NLRP1: variants seen among roughly 807,000 people sequenced by gnomAD.
The protein encoded by NLRP1 is NACHT, LRR and PYD domains-containing protein 1.
In NLRP1, 94 loss-of-function variants were observed where a neutral mutation model predicts 136.7. That is an observed-to-expected ratio of 0.69 (90% CI 0.58 to 0.82). The LOEUF (loss-of-function observed/expected upper bound fraction) is 0.82. Among genes scored for constraint, NLRP1 ranks in the 40% least tolerant of loss-of-function variants. NLRP1 has a pLI of 0.00. For synonymous variants in NLRP1, 690 were observed against 725.1 expected (o/e 0.95, Z 0.78); for missense variants, 1,575 against 1,802.7 (o/e 0.87, Z 2.29).
intron 3 of NLRP1, among the ~76,000 whole-genome samples, chr17:5,567,328 T>A (rs1449281580): frequency 6.6e-6 from 1 of 152,114 alleles, no homozygotes. Flanking sequence ...GTGTATCCAT[T>A]TTATGTTTTT....
intron 3 of NLRP1, among the ~76,000 whole-genome samples, chr17:5,564,392 T>C (rs1006813055): frequency 5.3e-5 from 8 of 152,220 alleles, no homozygotes; most frequent in Admixed American, 2.0e-4. Context: ...TTCTGCTCTC[T>C]ATGTCCATGA....
intron 5 of NLRP1, among the ~76,000 whole-genome samples, chr17:5,544,805 T>C (rs1912356956): frequency 6.6e-6 from 1 of 152,106 alleles, no homozygotes; most frequent in Admixed American, 6.5e-5. Flanking sequence ...AGTTTGTTTT[T>C]AGTTAGGGAG....
intron 5 of NLRP1, among the ~76,000 whole-genome samples, chr17:5,548,675 A>G (rs1912968652): frequency 6.6e-6 from 1 of 152,164 alleles, no homozygotes; most frequent in South Asian, 2.1e-4. Context: ...TTCATGCCAC[A>G]TAAGGTACTT....
At chr17:5,580,569 GT>G (rs1200141639) in intron 3 of NLRP1, among the ~76,000 whole-genome samples, 1 of 152,056 alleles carries the variant, frequency 6.6e-6, no homozygotes, top group Non-Finnish European at 1.5e-5. Context: ...TTTTGCCAGT[GT>G]TGCTAGAATG....
At chr17:5,553,934 A>T (rs1239219143) in intron 4 of NLRP1, among the ~76,000 whole-genome samples, 1 of 151,884 alleles carries the variant, frequency 6.6e-6, no homozygotes, top group Non-Finnish European at 1.5e-5. Flanking sequence ...TAAGAAAAAA[A>T]TTTTTTAAAA....
rs910759719 is a variant in NLRP1 at position 5,558,792 on chromosome 17, T to A, written c.1904A>T (p.Tyr635Phe). Residue 635 changes from tyrosine to phenylalanine, a missense_variant, in exon 4 of 17, where the codon TAT (tyrosine) becomes TTT (phenylalanine). Coordinates refer to ENST00000572272, the MANE Select transcript of NLRP1 (RefSeq NM_033004.4). ...CFQEFFAAMS[Y>F]VLEDEKGRGK... ...TCTCCCCTTCTCATCCTCCAAGACA[T>A]AGGACATTGCTGCAAAGAACTCTTG... The A allele has an allele frequency of 6.2e-7, 1 of 1,613,974 alleles. No homozygotes were observed. The highest frequency in any genetic ancestry group is 1.3e-5 in the African/African-American group (1 of 74,898).
rs755028729 is a variant in NLRP1, at chr17:5,519,848, CTTTTTTT to C, written c.3915+1026_3915+1032del. Reference sequence around the variant, plus strand: ...GCATCTTTATGAAAGTAAATCAGGTCTTTTTTTTTTTTTTTTTTTTTTTTTTGAGACA... The same window carrying C: ...GCATCTTTATGAAAGTAAATCAGGTCTTTTTTTTTTTTTTTTTTTGAGACA... On this transcript the variant is annotated intron_variant, in intron 14 of 16. Coordinates refer to ENST00000572272, the MANE Select transcript of NLRP1 (RefSeq NM_033004.4). Among the ~76,000 whole-genome samples, 131 of 90,258 alleles carry C rather than the reference CTTTTTTT, an allele frequency of 1.5e-3. 2 individuals carry two copies. Among genetic ancestry groups the C allele is most frequent in the African/African-American group, 1.8e-3 (41 of 22,896 alleles). The allele number at this position is 90,258 out of a possible 152,430, so 59.2% of individuals were successfully genotyped here.
chr17:5,525,381 CCTT>C (rs1225929017), intron 12 of NLRP1, among the ~76,000 whole-genome samples: 13 of 152,346 alleles, frequency 8.5e-5, no homozygotes, highest in South Asian at 4.1e-4. Context: ...CCTGTCAGCT[CCTT>C]CCTCCTTTCC....
intron 3 of NLRP1, among the ~76,000 whole-genome samples, chr17:5,569,098 C>A (rs1036168034): frequency 6.6e-6 from 1 of 152,080 alleles, no homozygotes; most frequent in African/African-American, 2.4e-5. Flanking sequence ...TACCACCAGA[C>A]CTGCCTTACA....
At position 5,537,294 on chromosome 17, in the gene NLRP1, C is replaced by T. The variant is rs1219240790; in HGVS notation, c.2871-354G>A. Among the ~76,000 whole-genome samples, 2 of 152,174 alleles carry T rather than the reference C, an allele frequency of 1.3e-5. No individual in the cohort carries two copies. The highest frequency in any genetic ancestry group is 2.9e-5 in the Non-Finnish European group (2 of 68,016). On this transcript the variant is annotated intron_variant, in intron 7 of 16. Coordinates refer to ENST00000572272, the MANE Select transcript of NLRP1 (RefSeq NM_033004.4). This position sits in a 1 kb window ranked among gnomAD's most constrained non-coding sequence, Gnocchi z 4.5. ...TGGCCAGTCATCGGATGTGGGCCTC[C>T]CCAGGAAGGAGATGTGGCCTTGGGT...
At chr17:5,553,255 G>T in intron 5 of NLRP1, 131 bp downstream of exon 5, 2 of 779,712 alleles carry the variant, frequency 2.6e-6, no homozygotes, top group Non-Finnish European at 3.7e-6. Context: ...GTTTACTAAA[G>T]TCATCCCGGC....
chr17:5,520,908 A>ACCAGAC lies in NLRP1; in HGVS notation c.3882_3887dup (p.Ser1297_Gly1298dup), dbSNP rs1217790491. The ACCAGAC allele has an allele frequency of 2.5e-6, 4 of 1,609,480 alleles. No individual in the cohort carries two copies. The South Asian group carries it at 4.4e-5, about 18-fold the overall frequency. ...TGGGGAGTATTTCCAGCATCCCTGA[A>ACCAGAC]CCAGACCCAGACACAGTGTAACGAC... is the stretch of plus-strand genomic sequence containing the variant. On this transcript the variant is annotated inframe_insertion, in exon 14 of 17. Transcript: ENST00000572272.
intron 3 of NLRP1, among the ~76,000 whole-genome samples, chr17:5,575,906 A>G (rs143788994): frequency 2.8e-4 from 43 of 152,384 alleles, no homozygotes; most frequent in African/African-American, 1.0e-3. Flanking sequence ...AAAAGGACAG[A>G]AATTATAACA....
rs201975087 is a variant in NLRP1, at chr17:5,582,100, C to T, written c.449-38G>A. The T allele has an allele frequency of 2.7e-6, 4 of 1,492,516 alleles. 1 individual carries two copies. The South Asian group carries it at 3.5e-5, about 13-fold the overall frequency. 92.5% of individuals were successfully genotyped at this position (1,492,516 alleles called of 1,614,324 possible). A position where few individuals can be genotyped will look rare whatever the true frequency, so the allele number is the denominator to read the frequency against. Reference sequence around the variant, plus strand: ...AAAAGAAAAATAACCATTTACTGAACATTTATTTTCTTTTAGGTGCATATA... The same window carrying T: ...AAAAGAAAAATAACCATTTACTGAATATTTATTTTCTTTTAGGTGCATATA... On this transcript the variant is annotated intron_variant, in intron 2 of 16. Coordinates refer to ENST00000572272, the MANE Select transcript of NLRP1 (RefSeq NM_033004.4).
At chr17:5,573,537 C>T (rs1904662736) in intron 3 of NLRP1, among the ~76,000 whole-genome samples, 1 of 152,180 alleles carries the variant, frequency 6.6e-6, no homozygotes, top group Admixed American at 6.5e-5. Context: ...GTCCCTGACC[C>T]CCGAGTAGCC....
intron 3 of NLRP1, among the ~76,000 whole-genome samples, chr17:5,566,087 T>C (rs916179917): frequency 1.3e-5 from 2 of 152,184 alleles, no homozygotes; most frequent in African/African-American, 4.8e-5. Context: ...TTAGCTTGGC[T>C]AAAGGTTTGT....
At chr17:5,503,843 A>T (rs565380664) in intron 15 of NLRP1, 1 of 149,638 alleles carries the variant, frequency 6.7e-6, no homozygotes, top group Non-Finnish European at 1.5e-5. Flanking sequence ...CCAAAAAAAA[A>T]CCCTGAATGG....
chr17:5,558,832 T>A lies in NLRP1; in HGVS notation c.1864A>T (p.Ile622Phe). 1.2e-6 allele frequency: 2 copies of A among 1,614,210 alleles called. No individual in the cohort carries two copies. Among genetic ancestry groups the A allele is most frequent in the Non-Finnish European group, 1.7e-6 (2 of 1,180,020 alleles). Reference sequence around the variant, plus strand: ...AAGAACTCTTGGAAACAGAGGTGAATGAAGCTGTAGCTCAGAGGGATGGGG... The same window carrying A: ...AAGAACTCTTGGAAACAGAGGTGAAAGAAGCTGTAGCTCAGAGGGATGGGG... ...EHPIPLSYSF[I>F]HLCFQEFFAA... Residue 622 changes from isoleucine to phenylalanine, a missense_variant, in exon 4 of 17, where the codon ATT (isoleucine) becomes TTT (phenylalanine). Transcript: ENST00000572272.
At chr17:5,576,277 G>T (rs1034262749) in intron 3 of NLRP1, among the ~76,000 whole-genome samples, 8 of 152,196 alleles carry the variant, frequency 5.3e-5, no homozygotes, top group African/African-American at 1.9e-4. Flanking sequence ...ACTAAGATCA[G>T]AGCAGAACTG....
Sources: gnomAD v4.1 joint callset for allele counts (sites outside exome capture counted in the v4.1 genomes callset) on GRCh38, gnomAD v4.1.1 for gene constraint, Gnocchi (gnomAD v3.1) non-coding constraint, MANE v1.5 for transcripts, NCBI Gene and HGNC (gene_info 2026-07-23, HGNC 2026-07-21) for gene names.